Variants in ZBTB20 observed in about 807,000 individuals in gnomAD.
ZBTB20 encodes the protein zinc finger and BTB domain-containing protein 20.
A neutral mutation model predicts 56.9 loss-of-function variants in ZBTB20; 9 were observed. The ratio of observed to expected loss-of-function variants is 0.16; its 90% CI spans 0.10 to 0.28. The LOEUF (loss-of-function observed/expected upper bound fraction) is 0.28, where lower values mean the gene tolerates loss of function less well. ZBTB20 is among the 10% of genes least tolerant of loss of function. The pLI is 1.00. For missense variants in ZBTB20, 655 were observed against 1,003.0 expected (o/e 0.65, Z 4.69); for synonymous variants, 417 against 420.7 (o/e 0.99, Z 0.11).
chr3:115,084,541 G>A (rs2082915774), intron 1 of ZBTB20, among the ~76,000 whole-genome samples: 2 of 151,626 alleles, frequency 1.3e-5, no homozygotes, highest in African/African-American at 4.8e-5. Flanking sequence ...TAAATTAACA[G>A]ATCAGTGGAA....
In ZBTB20 at chr3:114,329,735, A is replaced by AAAAAAAC. The variant is rs1553785009; in HGVS notation, c.*9269_*9270insGTTTTTT. The AAAAAAAC allele has an allele frequency of 2.2e-5, 3 of 138,682 alleles. No homozygotes were observed. The highest frequency in any genetic ancestry group is 1.5e-5 in the Non-Finnish European group (1 of 66,292). 8.6% of individuals were successfully genotyped at this position (138,682 alleles called of 1,614,324 possible). A position where few individuals can be genotyped will look rare whatever the true frequency, so the allele number is the denominator to read the frequency against. ...AAAAAAAAAAAAAAAAAAAAAAAAAAAACAACTCCCAGGAAAATGAACACT... is the reference window on the plus strand; with the variant it reads ...AAAAAAAAAAAAAAAAAAAAAAAAAAAAAAAACAACAACTCCCAGGAAAATGAACACT... On this transcript the variant is annotated 3_prime_UTR_variant, in exon 12 of 12. Transcript: ENST00000675478.
Position 114,422,056 on chromosome 3 carries a change from T to C in ZBTB20, c.-254-32951A>G, listed in dbSNP as rs1369386891. On this transcript the variant is annotated intron_variant, in intron 7 of 11. Transcript: ENST00000675478. ...CTTTTATAGCCTCCCTCCAGCCCCG[T>C]TGAACACACAAGTAGATGAAGTTTA... Among the ~76,000 whole-genome samples the C allele has an allele frequency of 5.3e-5, 8 of 152,186 alleles. No homozygotes were observed. The South Asian group carries it at 1.7e-3, about 32-fold the overall frequency.
chr3:114,353,385 C>T (rs960016296), intron 10 of ZBTB20, among the ~76,000 whole-genome samples: 2 of 152,210 alleles, frequency 1.3e-5, no homozygotes, highest in Admixed American at 6.5e-5. Context: ...CCTTGCTTCA[C>T]TCAATCACCC....
intron 5 of ZBTB20, among the ~76,000 whole-genome samples, chr3:114,695,196 T>C (rs1338556037): frequency 6.6e-6 from 1 of 151,516 alleles, no homozygotes; most frequent in Non-Finnish European, 1.5e-5. Flanking sequence ...GGTGAAAGAG[T>C]TGTCAAAGAC....
intron 6 of ZBTB20, among the ~76,000 whole-genome samples, chr3:114,646,107 A>T (rs2059821580): frequency 8.9e-6 from 1 of 112,230 alleles, no homozygotes; most frequent in South Asian, 2.7e-4. Context: ...TTTAGAAATA[A>T]TTTTTTCTCA....
At chr3:114,503,259 C>A (rs1306253645) in intron 6 of ZBTB20, among the ~76,000 whole-genome samples, 1 of 151,966 alleles carries the variant, frequency 6.6e-6, no homozygotes, top group Non-Finnish European at 1.5e-5. Flanking sequence ...AAATTAAAGC[C>A]AAGTTAGATG....
intron 5 of ZBTB20, among the ~76,000 whole-genome samples, chr3:114,714,337 T>C (rs1295924442): frequency 6.6e-5 from 10 of 152,198 alleles, no homozygotes. Context: ...AGCCCAACTC[T>C]ACATTCTGCT....
At chr3:115,024,875 G>T (rs146216176) in intron 2 of ZBTB20, among the ~76,000 whole-genome samples, 1 of 150,958 alleles carries the variant, frequency 6.6e-6, no homozygotes, top group African/African-American at 2.4e-5. Flanking sequence ...AGTAGTTACC[G>T]CTAGTAACTA....
intron 2 of ZBTB20, among the ~76,000 whole-genome samples, chr3:114,989,391 T>C (rs1204033925): frequency 7.2e-5 from 11 of 152,218 alleles, no homozygotes; most frequent in Admixed American, 7.2e-4. Context: ...TTGTCAGGTT[T>C]GTCAAATATC....
rs1369089660 is a variant in ZBTB20, at chr3:114,942,978, A to C, written c.-456+31388T>G. Reference sequence around the variant, plus strand: ...ATTCTTTTTCCACTTTTAACCCCTAAAACATTTCCAGTTCCTCTTTCTTGG... The same window carrying C: ...ATTCTTTTTCCACTTTTAACCCCTACAACATTTCCAGTTCCTCTTTCTTGG... On this transcript the variant is annotated intron_variant, in intron 3 of 11. Transcript: ENST00000675478. Among the ~76,000 whole-genome samples, 12 of 145,252 alleles carry C rather than the reference A, an allele frequency of 8.3e-5. 1 individual carries two copies. In the South Asian group the frequency reaches 2.6e-3, roughly 31 times the overall value.
intron 6 of ZBTB20, among the ~76,000 whole-genome samples, chr3:114,610,048 G>A (rs1416223744): frequency 6.6e-6 from 1 of 152,104 alleles, no homozygotes; most frequent in African/African-American, 2.4e-5. Flanking sequence ...TAAAGCCATG[G>A]CAATCACAGC....
intron 5 of ZBTB20, among the ~76,000 whole-genome samples, chr3:114,730,993 C>T (rs1203652946): frequency 1.3e-5 from 2 of 152,132 alleles, no homozygotes; most frequent in Non-Finnish European, 2.9e-5. Context: ...TTTTACCCTC[C>T]TATTTTTTAC....
intron 5 of ZBTB20, among the ~76,000 whole-genome samples, chr3:114,780,736 T>A (rs1408055604): frequency 6.6e-6 from 1 of 152,216 alleles, no homozygotes; most frequent in Non-Finnish European, 1.5e-5. Context: ...TCAGCCCACC[T>A]TGGCCTCCCA....
chr3:115,067,560 A>C (rs547745750), intron 2 of ZBTB20, among the ~76,000 whole-genome samples: 1 of 151,544 alleles, frequency 6.6e-6, no homozygotes, highest in Non-Finnish European at 1.5e-5. Flanking sequence ...AAAAAAAAAG[A>C]TGATTCTATT....
Position 114,884,410 on chromosome 3 carries a change from C to T in ZBTB20, c.-417+15894G>A, listed in dbSNP as rs181317943. The stretch of plus-strand genomic sequence containing the variant: ...TTTTCAAATGTTCACAGTAGACGGC[C>T]TACTTCCTTGTGCATTTTTTCACAT... On this transcript the variant is annotated intron_variant, in intron 4 of 11. Transcript: ENST00000675478. Among the ~76,000 whole-genome samples, 391 of 152,248 alleles carry T rather than the reference C, an allele frequency of 2.6e-3. 1 individual carries two copies. Among genetic ancestry groups the T allele is most frequent in the African/African-American group, 8.7e-3 (361 of 41,536 alleles).
intron 3 of ZBTB20, among the ~76,000 whole-genome samples, chr3:114,918,953 C>G (rs1011021983): frequency 1.3e-5 from 2 of 152,166 alleles, no homozygotes; most frequent in African/African-American, 4.8e-5. Context: ...GAGTTGCAGT[C>G]CTTGTGGCTC....
intron 7 of ZBTB20, among the ~76,000 whole-genome samples, chr3:114,442,256 T>C (rs1375745953): frequency 1.3e-5 from 2 of 152,138 alleles, no homozygotes; most frequent in Non-Finnish European, 2.9e-5. Flanking sequence ...CATTTAGAAC[T>C]TGAGATATTA....
intron 6 of ZBTB20, among the ~76,000 whole-genome samples, chr3:114,503,950 A>G (rs769880240): frequency 6.6e-5 from 10 of 152,112 alleles, no homozygotes; most frequent in Non-Finnish European, 1.5e-4. Flanking sequence ...AACTCCTCAA[A>G]AACACCAAGT....
At chr3:114,549,476 C>G (rs751158749) in intron 6 of ZBTB20, among the ~76,000 whole-genome samples, 4 of 152,180 alleles carry the variant, frequency 2.6e-5, no homozygotes, top group Non-Finnish European at 4.4e-5. Context: ...GGTAATATTA[C>G]TGGTACCACA....
Sources: allele counts gnomAD v4.1 joint callset (sites outside exome capture counted in the v4.1 genomes callset), GRCh38; gene constraint gnomAD v4.1.1; transcripts MANE v1.5; gene names NCBI Gene and HGNC (gene_info 2026-07-23, HGNC 2026-07-21).